GABPB2: variants seen among roughly 807,000 people sequenced by gnomAD.
The protein encoded by GABPB2 is GA-binding protein subunit beta-2.
GABPB2 carries 23 observed loss-of-function variants against 39.1 expected under a neutral mutation model. The ratio of observed to expected loss-of-function variants is 0.59; its 90% CI spans 0.42 to 0.83. GABPB2 has a LOEUF of 0.83. Among genes scored for constraint, GABPB2 ranks in the 40% least tolerant of loss-of-function variants. The pLI, the probability that GABPB2 is intolerant of heterozygous loss-of-function variation, is 0.00. For synonymous variants in GABPB2, 184 were observed against 199.3 expected (o/e 0.92, Z 0.65); for missense variants, 467 against 541.1 (o/e 0.86, Z 1.36).
intron 1 of GABPB2, among the ~76,000 whole-genome samples, chr1:151,075,968 G>C (rs1025042539): frequency 6.6e-6 from 1 of 152,098 alleles, no homozygotes; most frequent in African/African-American, 2.4e-5. Context: ...ATTCCTGCCT[G>C]ACTCTTAGGG....
intron 7 of GABPB2, among the ~76,000 whole-genome samples, chr1:151,109,908 G>A (rs1299295473): frequency 3.3e-5 from 5 of 151,010 alleles, no homozygotes; most frequent in Admixed American, 6.6e-5. Flanking sequence ...GCGTGATCTC[G>A]GCACACTGCA....
At chr1:151,086,219 C>T (rs1678180097) in intron 1 of GABPB2, among the ~76,000 whole-genome samples, 1 of 151,852 alleles carries the variant, frequency 6.6e-6, no homozygotes, top group South Asian at 2.1e-4. Context: ...GCACTCCAGC[C>T]TGGGTGACAG....
chr1:151,073,562 C>T (rs781204635), intron 1 of GABPB2, among the ~76,000 whole-genome samples: 10 of 152,024 alleles, frequency 6.6e-5, no homozygotes, highest in South Asian at 2.1e-4. Flanking sequence ...CCTCAAAATG[C>T]TGTGTTTTTT....
chr1:151,071,705 TAGGGGATCCCCCCGCCTTGGCCTTCCA>T (rs1342174928), intron 1 of GABPB2, among the ~76,000 whole-genome samples: 1 of 152,058 alleles, frequency 6.6e-6, no homozygotes, highest in Non-Finnish European at 1.5e-5. Flanking sequence ...CTCCTGACCT[TAGGGGATCCCCCCGCCTTGGCCTTCCA>T]AAGTGCTGGG....
In GABPB2 at chr1:151,117,447, A is replaced by G; in HGVS notation, c.978A>G (p.Glu326=). 1 of 1,613,842 alleles carries G rather than the reference A, an allele frequency of 6.2e-7. No homozygotes were observed. The highest frequency in any genetic ancestry group is 8.5e-7 in the Non-Finnish European group (1 of 1,179,726). ...AGGAGACTGTAATTAAAGAGGAAGAAGAAGAGAAGTTGCCACTAACAAAGA... is the reference window on the plus strand; with the variant it reads ...AGGAGACTGTAATTAAAGAGGAAGAGGAAGAGAAGTTGCCACTAACAAAGA... ...VAEETVIKEE[E]EEKLPLTKKP... is the part of the protein sequence containing the mutation. Residue 326 remains glutamate, a synonymous_variant, in exon 8 of 9, where the codon GAA becomes GAG. Coordinates refer to ENST00000368918, the MANE Select transcript of GABPB2 (RefSeq NM_144618.3).
intron 5 of GABPB2, among the ~76,000 whole-genome samples, chr1:151,102,686 T>C (rs1346409078): frequency 1.3e-5 from 2 of 152,050 alleles, no homozygotes; most frequent in Non-Finnish European, 2.9e-5. Context: ...AGGTGATCCA[T>C]CCGCCTCGGC....
At chr1:151,076,135 G>A (rs1053688403) in intron 1 of GABPB2, among the ~76,000 whole-genome samples, 1 of 152,144 alleles carries the variant, frequency 6.6e-6, no homozygotes, top group African/African-American at 2.4e-5. Context: ...TACACAAAGA[G>A]TACAACAGCA....
At position 151,117,428 on chromosome 1, in the gene GABPB2, CTG is replaced by C. The variant is rs761037443; in HGVS notation, c.961_962del (p.Val321AsnfsTer2). Reference sequence around the variant, plus strand: ...CCTGCTGGTAAGGTTGCAGAGGAGACTGTAATTAAAGAGGAAGAAGAAGAGAA... The same window carrying C: ...CCTGCTGGTAAGGTTGCAGAGGAGACTAATTAAAGAGGAAGAAGAAGAGAA... On this transcript the variant is annotated frameshift_variant, in exon 8 of 9. Coordinates refer to ENST00000368918, the MANE Select transcript of GABPB2 (RefSeq NM_144618.3). LOFTEE classifies it high-confidence loss of function. 6.8e-6 allele frequency: 11 copies of C among 1,613,634 alleles called. No homozygotes were observed. Among genetic ancestry groups the C allele is most frequent in the South Asian group, 1.1e-5 (1 of 91,076 alleles).
intron 5 of GABPB2, 121 bp downstream of exon 5, chr1:151,098,123 A>G (rs1679242887): frequency 2.5e-6 from 2 of 813,740 alleles, no homozygotes; most frequent in Non-Finnish European, 1.9e-6. Context: ...CCAAAGCAGA[A>G]GATTTGTAAT....
chr1:151,098,059 A>C (rs923945945), intron 5 of GABPB2, 57 bp downstream of exon 5: 4 of 1,497,246 alleles, frequency 2.7e-6, no homozygotes, highest in Admixed American at 1.8e-5. Context: ...AGAACCCTAG[A>C]TTTTCCAGGA....
At chr1:151,091,044 A>AAAAAAAAAAAAAG (rs752903621) in intron 3 of GABPB2, among the ~76,000 whole-genome samples, 1 of 150,990 alleles carries the variant, frequency 6.6e-6, no homozygotes. Flanking sequence ...AAAAAAAAAA[A>AAAAAAAAAAAAAG]CCTTCATGGC....
chr1:151,101,441 G>A (rs866130291), intron 5 of GABPB2, among the ~76,000 whole-genome samples: 13 of 151,672 alleles, frequency 8.6e-5, no homozygotes, highest in African/African-American at 2.9e-4. Flanking sequence ...GGGCATGGTG[G>A]TGCGCGCCTG....
At chr1:151,100,127 A>G (rs1281112912) in intron 5 of GABPB2, among the ~76,000 whole-genome samples, 1 of 151,616 alleles carries the variant, frequency 6.6e-6, no homozygotes, top group Non-Finnish European at 1.5e-5. Flanking sequence ...TGGTTCAGTC[A>G]CACTGATTAA....
intron 7 of GABPB2, 150 bp downstream of exon 7, chr1:151,107,372 G>A (rs1037663670): frequency 3.2e-5 from 15 of 463,730 alleles, no homozygotes; most frequent in Middle Eastern, 5.6e-4. Flanking sequence ...AAAAAGAAAC[G>A]GAACCAGACT....
At position 151,114,344 on chromosome 1, in the gene GABPB2, T is replaced by TAATA. The variant is rs371504117; in HGVS notation, c.923-3025_923-3022dup. Among the ~76,000 whole-genome samples the TAATA allele has an allele frequency of 8.9e-3, 1,333 of 150,286 alleles. 59 individuals carry two copies. In the South Asian group the frequency reaches 0.13, roughly 14 times the overall value. On this transcript the variant is annotated intron_variant, in intron 7 of 8. Coordinates refer to ENST00000368918, the MANE Select transcript of GABPB2 (RefSeq NM_144618.3). ...GGTAACAGAGTGAGACTCTGTCTCA[T>TAATA]AATAAATAAATAAATAAATAAATAA...
At chr1:151,090,685 T>C (rs1375567548) in intron 3 of GABPB2, 112 bp downstream of exon 3, 25 of 1,090,116 alleles carry the variant, frequency 2.3e-5, no homozygotes, top group Non-Finnish European at 3.2e-5. Context: ...TTTAGGACAG[T>C]TATAGCATTA....
chr1:151,108,069 A>G (rs1168749879), intron 7 of GABPB2, among the ~76,000 whole-genome samples: 1 of 152,246 alleles, frequency 6.6e-6, no homozygotes, highest in Non-Finnish European at 1.5e-5. Flanking sequence ...GCACTCTTAT[A>G]AATCACTTGT....
intron 7 of GABPB2, among the ~76,000 whole-genome samples, chr1:151,116,562 A>G (rs1181331501): frequency 6.6e-6 from 1 of 152,048 alleles, no homozygotes; most frequent in African/African-American, 2.4e-5. Context: ...AAAAATATAT[A>G]AAGACTTCAG....
chr1:151,111,568 G>A (rs1295722680), intron 7 of GABPB2, among the ~76,000 whole-genome samples: 2 of 151,852 alleles, frequency 1.3e-5, no homozygotes, highest in Admixed American at 6.6e-5. Context: ...GACTACAGGC[G>A]CCTGCCACCA....
Sources: allele counts gnomAD v4.1 joint callset (sites outside exome capture counted in the v4.1 genomes callset), GRCh38; gene constraint gnomAD v4.1.1; transcripts MANE v1.5; gene names NCBI Gene and HGNC (gene_info 2026-07-23, HGNC 2026-07-21).